The following PLCL1 variants were observed in gnomAD, a reference collection of about 807,000 sequenced individuals.
PLCL1 encodes the protein phospholipase C like 1 (inactive), also known as inactive phospholipase C-like protein 1.
A neutral mutation model predicts 84.4 loss-of-function variants in PLCL1; 41 were observed. The ratio of observed to expected loss-of-function variants is 0.49; its 90% CI spans 0.38 to 0.63. The LOEUF (loss-of-function observed/expected upper bound fraction) is 0.63. PLCL1 is among the 30% of genes least tolerant of loss of function. The probability of loss-of-function intolerance (pLI) is 0.00; values close to 1 mark genes in which losing one functional copy is unlikely to be tolerated. For missense variants in PLCL1, 1,206 were observed against 1,367.8 expected (o/e 0.88, Z 1.87); for synonymous variants, 490 against 488.3 (o/e 1.00, Z -0.05).
In PLCL1 at chr2:197,804,892, C is replaced by T. The variant is rs1223495447; in HGVS notation, c.-208C>T. 7.8e-6 allele frequency: 4 copies of T among 512,942 alleles called. No homozygotes were observed. The highest frequency in any genetic ancestry group is 5.8e-5 in the South Asian group (2 of 34,598). 31.8% of individuals were successfully genotyped at this position (512,942 alleles called of 1,614,324 possible). ...CCCGCCGGACTGCTAGCCTCCTAGA[C>T]CGAAGCCCGAGGACGTCTCTGCCCG... On this transcript the variant is annotated 5_prime_UTR_variant, in exon 1 of 6. Transcript: ENST00000428675.
intron 5 of PLCL1, among the ~76,000 whole-genome samples, chr2:198,127,018 TG>T (rs1435039841): frequency 3.8e-5 from 4 of 105,058 alleles, no homozygotes; most frequent in Admixed American, 1.8e-4. Flanking sequence ...GTGTGGGGGG[TG>T]GTGTATTCTT....
chr2:198,083,615 A>T, intron 1 of PLCL1, 143 bp from the exon 2 acceptor site: 2 of 575,532 alleles, frequency 3.5e-6, no homozygotes, highest in Non-Finnish European at 5.8e-6. Context: ...TCTTTTCTGA[A>T]ACAGTGAAAA....
chr2:198,142,419 C>T (rs1298064748), intron 5 of PLCL1, among the ~76,000 whole-genome samples: 4 of 152,050 alleles, frequency 2.6e-5, no homozygotes, highest in African/African-American at 4.8e-5. Context: ...CAGCAATGCA[C>T]GGCAGCCCAA....
At chr2:198,024,600 C>G (rs907243852) in intron 1 of PLCL1, among the ~76,000 whole-genome samples, 2 of 151,928 alleles carry the variant, frequency 1.3e-5, no homozygotes, top group Non-Finnish European at 2.9e-5. Flanking sequence ...CCCAGCTGTA[C>G]TAAAAATACA....
At chr2:197,844,831 G>T (rs1354132903) in intron 1 of PLCL1, among the ~76,000 whole-genome samples, 2 of 152,072 alleles carry the variant, frequency 1.3e-5, no homozygotes, top group African/African-American at 4.8e-5. Context: ...TTCTTGAAAT[G>T]ACTGAAGGAA....
At chr2:197,999,335 A>G (rs568424700) in intron 1 of PLCL1, among the ~76,000 whole-genome samples, 1 of 152,342 alleles carries the variant, frequency 6.6e-6, no homozygotes, top group South Asian at 2.1e-4. Context: ...GCACCTGGAC[A>G]ATAAAAAGGA....
intron 1 of PLCL1, among the ~76,000 whole-genome samples, chr2:197,954,370 G>C (rs1359908794): frequency 1.3e-5 from 2 of 152,074 alleles, no homozygotes. Context: ...CACACTTTAT[G>C]TTGTTCACTG....
chr2:197,976,482 T>A (rs186936920), intron 1 of PLCL1, among the ~76,000 whole-genome samples: 1 of 152,242 alleles, frequency 6.6e-6, no homozygotes, highest in Non-Finnish European at 1.5e-5. Flanking sequence ...AGAGTCTCAC[T>A]CTGTCACCCA....
At chr2:198,087,188 G>A (rs765852063) in intron 2 of PLCL1, among the ~76,000 whole-genome samples, 1 of 152,106 alleles carries the variant, frequency 6.6e-6, no homozygotes, top group Non-Finnish European at 1.5e-5. Flanking sequence ...TCAGGTCTCT[G>A]ATCATCAATA....
chr2:197,841,669 A>G (rs113591143), intron 1 of PLCL1, among the ~76,000 whole-genome samples: 1 of 152,380 alleles, frequency 6.6e-6, no homozygotes, highest in Non-Finnish European at 1.5e-5. Flanking sequence ...TGAAACTGCT[A>G]TAAACATTTG....
chr2:197,843,217 C>T (rs1687045543), intron 1 of PLCL1, among the ~76,000 whole-genome samples: 1 of 152,120 alleles, frequency 6.6e-6, no homozygotes, highest in South Asian at 2.1e-4. Context: ...CAATGATCGA[C>T]TAGTAATGAC....
At chr2:197,858,825 G>A (rs1457537835) in intron 1 of PLCL1, among the ~76,000 whole-genome samples, 1 of 152,052 alleles carries the variant, frequency 6.6e-6, no homozygotes, top group Non-Finnish European at 1.5e-5. Flanking sequence ...TGCTGATCTG[G>A]CCTTGGCTCA....
chr2:197,955,048 C>A (rs1358903586), intron 1 of PLCL1, among the ~76,000 whole-genome samples: 2 of 152,060 alleles, frequency 1.3e-5, no homozygotes, highest in African/African-American at 4.8e-5. Flanking sequence ...GAATATGCTA[C>A]ATTTTAGGAA....
chr2:198,136,686 C>A (rs989473409), intron 5 of PLCL1, among the ~76,000 whole-genome samples: 1 of 151,980 alleles, frequency 6.6e-6, no homozygotes, highest in East Asian at 1.9e-4. Context: ...GTACAGGGGC[C>A]CTGAGAATTG....
At chr2:197,973,258 CG>C (rs1689905919) in intron 1 of PLCL1, among the ~76,000 whole-genome samples, 1 of 152,146 alleles carries the variant, frequency 6.6e-6, no homozygotes, top group Non-Finnish European at 1.5e-5. Context: ...TGCTTACCAC[CG>C]TCTTTCCTTA....
chr2:197,901,117 A>G (rs1360389658), intron 1 of PLCL1, among the ~76,000 whole-genome samples: 2 of 152,214 alleles, frequency 1.3e-5, no homozygotes, highest in East Asian at 3.8e-4. Context: ...ATGTGTTTCT[A>G]AAGTGTACCC....
chr2:198,086,151 C>A lies in PLCL1; in HGVS notation c.2634C>A (p.Ile878=). ...KVREYTMLRN[I]GLKTIDDIFK... ...GGGAATATACCATGCTCAGGAATAT[C>A]GGTCTTAAAACCATTGATGACATCT... The change falls in exon 2 of 6, where the codon ATC becomes ATA. Residue 878 remains isoleucine, a synonymous_variant. Coordinates refer to ENST00000428675, the MANE Select transcript of PLCL1 (RefSeq NM_006226.4). The A allele has an allele frequency of 1.2e-6, 2 of 1,613,628 alleles. No individual in the cohort carries two copies. The highest frequency in any genetic ancestry group is 1.7e-6 in the Non-Finnish European group (2 of 1,179,618).
intron 1 of PLCL1, among the ~76,000 whole-genome samples, chr2:197,858,213 G>A (rs1400034455): frequency 1.3e-5 from 2 of 152,172 alleles, no homozygotes; most frequent in Non-Finnish European, 2.9e-5. Context: ...GGAAACAAAG[G>A]GACCTGAGCT....
At chr2:198,109,410 G>A (rs1476803516) in intron 5 of PLCL1, among the ~76,000 whole-genome samples, 2 of 151,818 alleles carry the variant, frequency 1.3e-5, no homozygotes, top group East Asian at 3.9e-4. Context: ...ATGAATTTTG[G>A]AAGGGACACA....
Sources: allele counts gnomAD v4.1 joint callset (sites outside exome capture counted in the v4.1 genomes callset), GRCh38; gene constraint gnomAD v4.1.1; transcripts MANE v1.5; gene names NCBI Gene and HGNC (gene_info 2026-07-23, HGNC 2026-07-21).